The following SORCS2 variants were observed in gnomAD, a reference collection of about 807,000 sequenced individuals.
SORCS2 encodes VPS10 domain-containing receptor SorCS2.
A neutral mutation model predicts 141.6 loss-of-function variants in SORCS2; 100 were observed. That is an observed-to-expected ratio of 0.71 (90% CI 0.60 to 0.83). The LOEUF is 0.83. Among genes scored for constraint, SORCS2 ranks in the 40% least tolerant of loss-of-function variants. The probability of loss-of-function intolerance (pLI) is 0.00; values close to 1 mark genes in which losing one functional copy is unlikely to be tolerated. For missense variants in SORCS2, 1,646 were observed against 1,560.2 expected (o/e 1.05, Z -0.93); for synonymous variants, 789 against 676.9 (o/e 1.17, Z -2.57).
chr4:7,421,912 G>T (rs915705528), intron 2 of SORCS2, among the ~76,000 whole-genome samples: 3 of 28,610 alleles, frequency 1.0e-4, no homozygotes, highest in Non-Finnish European at 2.6e-4. Flanking sequence ...GGCAGGGGCT[G>T]GGGCGGGGCT....
At chr4:7,525,755 T>A (rs955614850) in intron 2 of SORCS2, among the ~76,000 whole-genome samples, 3 of 108,718 alleles carry the variant, frequency 2.8e-5, no homozygotes, top group Non-Finnish European at 5.7e-5. Flanking sequence ...ACCTGTGCCC[T>A]CCTGCAATCA....
intron 16 of SORCS2, among the ~76,000 whole-genome samples, chr4:7,714,814 C>T (rs1467146937): frequency 1.3e-5 from 2 of 152,196 alleles, no homozygotes; most frequent in Admixed American, 1.3e-4. Flanking sequence ...CACCTCACCC[C>T]TCCTCATCAT....
chr4:7,575,224 T>C (rs1399343330), intron 3 of SORCS2, among the ~76,000 whole-genome samples: 1 of 152,194 alleles, frequency 6.6e-6, no homozygotes, highest in East Asian at 1.9e-4. Flanking sequence ...CACAGAAATA[T>C]ACGAGCCGTG....
rs562906780 is a variant in SORCS2 at position 7,566,190 on chromosome 4, AATGGTG to A, written c.648+34574_648+34579del. Among the ~76,000 whole-genome samples, 9 of 138,426 alleles carry A rather than the reference AATGGTG, an allele frequency of 6.5e-5. No homozygotes were observed. In the East Asian group the frequency reaches 1.0e-3, roughly 16 times the overall value. 90.8% of individuals were successfully genotyped at this position (138,426 alleles called of 152,430 possible). On this transcript the variant is annotated intron_variant, in intron 3 of 26. Coordinates refer to ENST00000507866, the MANE Select transcript of SORCS2 (RefSeq NM_020777.3). ...TGATGGTGATGGTAGTGATATTGAT[AATGGTG>A]ATGGTGATGGTGGTGATGATGACAG... is the stretch of plus-strand genomic sequence containing the variant.
At chr4:7,538,587 T>TCACACACACACACACA (rs34526550) in intron 3 of SORCS2, among the ~76,000 whole-genome samples, 3,285 of 150,656 alleles carry the variant, frequency 0.022, 95 homozygotes, top group African/African-American at 0.067. Context: ...AATATTAAAA[T>TCACACACACACACACA]CACACACACA....
intron 3 of SORCS2, among the ~76,000 whole-genome samples, chr4:7,613,538 C>T (rs1009451611): frequency 3.9e-5 from 6 of 152,178 alleles, no homozygotes; most frequent in African/African-American, 1.4e-4. Context: ...GTGAGGATAA[C>T]TCCAAAGTTA....
chr4:7,293,617 G>A (rs1716758835), intron 1 of SORCS2, among the ~76,000 whole-genome samples: 1 of 152,188 alleles, frequency 6.6e-6, no homozygotes, highest in Admixed American at 6.5e-5. Flanking sequence ...TTGGGGAACT[G>A]GGTAAAGCCA....
chr4:7,543,939 CCCATCCATCCATCCATCCATCCAT>C (rs1266557291), intron 3 of SORCS2, among the ~76,000 whole-genome samples: 1 of 16,890 alleles, frequency 5.9e-5, no homozygotes, highest in African/African-American at 1.9e-4. Context: ...CACCCATCCA[CCCATCCATCCATCCATCCATCCAT>C]CCATCCATCC....
At chr4:7,666,655 T>G (rs1722521348) in intron 7 of SORCS2, among the ~76,000 whole-genome samples, 1 of 152,182 alleles carries the variant, frequency 6.6e-6, no homozygotes, top group Non-Finnish European at 1.5e-5. Context: ...TGACGGGCCT[T>G]TCTGTCTCTG....
intron 1 of SORCS2, among the ~76,000 whole-genome samples, chr4:7,355,428 A>C (rs945756056): frequency 1.3e-5 from 2 of 152,188 alleles, no homozygotes; most frequent in African/African-American, 4.8e-5. Flanking sequence ...CCCAAAGTTA[A>C]TGGCTTATGC....
At chr4:7,406,644 C>T (rs1268157041) in intron 2 of SORCS2, among the ~76,000 whole-genome samples, 1 of 151,490 alleles carries the variant, frequency 6.6e-6, no homozygotes, top group African/African-American at 2.4e-5. Context: ...AGTCGGTCTA[C>T]TTTGTTGATT....
chr4:7,323,303 A>T (rs1435722204), intron 1 of SORCS2, among the ~76,000 whole-genome samples: 2 of 152,244 alleles, frequency 1.3e-5, no homozygotes, highest in Non-Finnish European at 2.9e-5. Flanking sequence ...TGGTTACAGT[A>T]GTCCTGCGAC....
At chr4:7,485,201 C>A (rs766144501) in intron 2 of SORCS2, among the ~76,000 whole-genome samples, 1 of 152,218 alleles carries the variant, frequency 6.6e-6, no homozygotes, top group African/African-American at 2.4e-5. Flanking sequence ...CTGCAGCCTT[C>A]GGTCCCCAGA....
rs1354965034 is a variant in SORCS2, at chr4:7,654,215, C to T, written c.887+8C>T. The T allele has an allele frequency of 1.3e-6, 2 of 1,568,642 alleles. No individual in the cohort carries two copies. Among genetic ancestry groups the T allele is most frequent in the Non-Finnish European group, 1.7e-6 (2 of 1,155,306 alleles). ...CAAAGACCACGTGTTCTGGTGAGAGCACTTCCCCACCCCAAACCCATGGGG... is the reference window on the plus strand; with the variant it reads ...CAAAGACCACGTGTTCTGGTGAGAGTACTTCCCCACCCCAAACCCATGGGG... On this transcript the variant is annotated splice_region_variant and intron_variant, in intron 5 of 26. Coordinates refer to ENST00000507866, the MANE Select transcript of SORCS2 (RefSeq NM_020777.3).
chr4:7,285,916 G>A (rs137870302), intron 1 of SORCS2, among the ~76,000 whole-genome samples: 63 of 152,274 alleles, frequency 4.1e-4, no homozygotes, highest in South Asian at 1.7e-3. Flanking sequence ...GGAGCCTGGC[G>A]TGAGGCCGAC....
intron 1 of SORCS2, among the ~76,000 whole-genome samples, chr4:7,298,319 T>G (rs1717213334): frequency 6.6e-6 from 1 of 152,090 alleles, no homozygotes; most frequent in Non-Finnish European, 1.5e-5. Context: ...AGGGTTGGGG[T>G]ATAGGAAAGG....
rs1712753166 is a variant in SORCS2, at chr4:7,742,542, G to C, written c.*2278G>C. 1 of 152,140 alleles carries C rather than the reference G, an allele frequency of 6.6e-6. No homozygotes were observed. Among genetic ancestry groups the C allele is most frequent in the Non-Finnish European group, 1.5e-5 (1 of 68,046 alleles). 9.4% of individuals were successfully genotyped at this position (152,140 alleles called of 1,614,324 possible). Reference sequence around the variant, plus strand: ...TTAATATTTCTATTAAGAACATGTTGGGCATGTGGACCCAAGCACCTGGGA... The same window carrying C: ...TTAATATTTCTATTAAGAACATGTTCGGCATGTGGACCCAAGCACCTGGGA... On this transcript the variant is annotated 3_prime_UTR_variant, in exon 27 of 27. Transcript: ENST00000507866.
At chr4:7,280,061 C>T (rs1026072817) in intron 1 of SORCS2, among the ~76,000 whole-genome samples, 1 of 152,152 alleles carries the variant, frequency 6.6e-6, no homozygotes, top group African/African-American at 2.4e-5. Flanking sequence ...GGATCATTCA[C>T]GGTGCTGTGA....
intron 10 of SORCS2, among the ~76,000 whole-genome samples, chr4:7,683,812 C>T (rs1280420727): frequency 6.6e-6 from 1 of 152,208 alleles, no homozygotes; most frequent in Non-Finnish European, 1.5e-5. Flanking sequence ...GTATCGACTG[C>T]CTGAGTCCTT....
Sources: allele counts gnomAD v4.1 joint callset (sites outside exome capture counted in the v4.1 genomes callset), GRCh38; gene constraint gnomAD v4.1.1; transcripts MANE v1.5; gene names NCBI Gene and HGNC (gene_info 2026-07-23, HGNC 2026-07-21).